DIS3L2: variants seen among roughly 807,000 people sequenced by gnomAD.
The protein encoded by DIS3L2 is DIS3 like 3'-5' exoribonuclease 2, also known as DIS3-like exonuclease 2.
DIS3L2 carries 34 observed loss-of-function variants against 97.5 expected under a neutral mutation model. The ratio of observed to expected loss-of-function variants is 0.35; its 90% CI spans 0.27 to 0.46. The LOEUF (loss-of-function observed/expected upper bound fraction) is 0.46. DIS3L2 is among the 20% of genes least tolerant of loss of function. DIS3L2 has a pLI of 1.00. For synonymous variants in DIS3L2, 435 were observed against 445.2 expected (o/e 0.98, Z 0.29); for missense variants, 1,038 against 1,146.0 (o/e 0.91, Z 1.36).
At chr2:232,186,959 T>C (rs1691455841) in intron 9 of DIS3L2, among the ~76,000 whole-genome samples, 1 of 152,138 alleles carries the variant, frequency 6.6e-6, no homozygotes, top group Non-Finnish European at 1.5e-5. Flanking sequence ...TCATCAAAAT[T>C]AAAAATTTTG....
chr2:232,147,960 T>TCC (rs1690265393), intron 8 of DIS3L2, among the ~76,000 whole-genome samples: 1 of 68,074 alleles, frequency 1.5e-5, no homozygotes, highest in African/African-American at 5.9e-5. Flanking sequence ...CCCCTCCCTT[T>TCC]CCTCCCCTCC....
chr2:232,134,194 G>T (rs930810765), intron 7 of DIS3L2, among the ~76,000 whole-genome samples: 1 of 152,074 alleles, frequency 6.6e-6, no homozygotes, highest in Non-Finnish European at 1.5e-5. Flanking sequence ...TCAGGGAGTT[G>T]TGGGACAAGA....
At chr2:232,049,608 G>A (rs1232709419) in intron 5 of DIS3L2, among the ~76,000 whole-genome samples, 1 of 152,088 alleles carries the variant, frequency 6.6e-6, no homozygotes, top group Non-Finnish European at 1.5e-5. Flanking sequence ...CCAGAACTGG[G>A]GAGACAGTCT....
At chr2:232,236,262 G>A (rs1272109109) in intron 10 of DIS3L2, among the ~76,000 whole-genome samples, 2 of 152,186 alleles carry the variant, frequency 1.3e-5, no homozygotes, top group Non-Finnish European at 2.9e-5. Flanking sequence ...AGGATAATAA[G>A]TAGCTACACA....
chr2:232,224,855 GA>G (rs1408212388), intron 10 of DIS3L2, among the ~76,000 whole-genome samples: 48 of 144,614 alleles, frequency 3.3e-4, no homozygotes, highest in Non-Finnish European at 6.6e-4. Flanking sequence ...AAAAAAAAAA[GA>G]AAAAAAATTG....
chr2:232,241,141 G>C (rs529938280), intron 11 of DIS3L2, among the ~76,000 whole-genome samples: 1 of 152,186 alleles, frequency 6.6e-6, no homozygotes, highest in Non-Finnish European at 1.5e-5. Flanking sequence ...CCTTTGAACC[G>C]CTGCTCTGAC....
chr2:232,203,237 A>C lies in DIS3L2; in HGVS notation c.1125-7089A>C, dbSNP rs564755495. 5.3e-5 allele frequency among the ~76,000 whole-genome samples: 8 copies of C among 152,242 alleles called. 1 individual carries two copies. The East Asian group carries it at 1.5e-3, about 29-fold the overall frequency. ...CATTCCTTTTCACCCATTCTTCATC[A>C]TTGACCCAGATCCTCCTCCCCAGAA... On this transcript the variant is annotated intron_variant, in intron 9 of 20. Coordinates refer to ENST00000325385, the MANE Select transcript of DIS3L2 (RefSeq NM_152383.5).
chr2:232,194,895 C>T (rs961525046), intron 9 of DIS3L2, among the ~76,000 whole-genome samples: 6 of 152,110 alleles, frequency 3.9e-5, no homozygotes, highest in Non-Finnish European at 7.4e-5. Flanking sequence ...AAGTAGCACT[C>T]CATTCTTCAC....
intron 1 of DIS3L2, among the ~76,000 whole-genome samples, chr2:232,009,868 T>A (rs1694148480): frequency 6.6e-6 from 1 of 152,198 alleles, no homozygotes; most frequent in African/African-American, 2.4e-5. Context: ...CATTGCAAAC[T>A]CAAGTTAGCT....
intron 9 of DIS3L2, among the ~76,000 whole-genome samples, chr2:232,210,015 C>T (rs867516438): frequency 6.6e-6 from 1 of 152,180 alleles, no homozygotes; most frequent in Non-Finnish European, 1.5e-5. Flanking sequence ...TAACTTGCCC[C>T]TCTTGTTGGC....
At chr2:232,168,704 A>G (rs930086729) in intron 9 of DIS3L2, among the ~76,000 whole-genome samples, 1 of 152,162 alleles carries the variant, frequency 6.6e-6, no homozygotes, top group Admixed American at 6.5e-5. Flanking sequence ...ACACATAGTG[A>G]GGGTGCCAGG....
intron 6 of DIS3L2, among the ~76,000 whole-genome samples, chr2:232,099,781 T>C (rs1006849637): frequency 1.3e-5 from 2 of 152,194 alleles, no homozygotes; most frequent in African/African-American, 4.8e-5. Context: ...AGATTCTCTA[T>C]CAGTTCTTGT....
intron 10 of DIS3L2, among the ~76,000 whole-genome samples, chr2:232,216,882 GC>G (rs1692354827): frequency 7.4e-6 from 1 of 135,634 alleles, no homozygotes; most frequent in African/African-American, 2.8e-5. Flanking sequence ...TTGCTCTGTC[GC>G]CCAGGCTGGA....
At chr2:231,989,843 A>AAAC (rs930406877) in intron 1 of DIS3L2, among the ~76,000 whole-genome samples, 3 of 152,250 alleles carry the variant, frequency 2.0e-5, no homozygotes, top group South Asian at 4.1e-4. Context: ...ATCTTGTCTC[A>AAAC]AACAACAACA....
chr2:232,219,310 T>A (rs908991507), intron 10 of DIS3L2, among the ~76,000 whole-genome samples: 2 of 152,228 alleles, frequency 1.3e-5, no homozygotes, highest in Admixed American at 6.5e-5. Flanking sequence ...ACCTTGGATA[T>A]CTCTACTTCC....
chr2:232,312,115 C>A (rs1355531521), intron 14 of DIS3L2, among the ~76,000 whole-genome samples: 1 of 152,146 alleles, frequency 6.6e-6, no homozygotes, highest in East Asian at 1.9e-4. Flanking sequence ...ATACATGTTG[C>A]AAATATCTTC....
At chr2:232,332,807 C>G (rs534134842) in intron 16 of DIS3L2, among the ~76,000 whole-genome samples, 1 of 152,170 alleles carries the variant, frequency 6.6e-6, no homozygotes, top group Non-Finnish European at 1.5e-5. Flanking sequence ...CAGAGGTGCC[C>G]GGGTGAAGCG....
intron 13 of DIS3L2, among the ~76,000 whole-genome samples, chr2:232,342,270 TACATATATACACATATATGCATATATAC>T (rs1442292066): frequency 6.6e-6 from 1 of 151,444 alleles, no homozygotes; most frequent in Non-Finnish European, 1.5e-5. Context: ...CATACACATA[TACATATATACACATATATGCATATATAC>T]ACATATATAC....
At chr2:232,144,650 C>T (rs1690165612) in intron 8 of DIS3L2, among the ~76,000 whole-genome samples, 1 of 152,056 alleles carries the variant, frequency 6.6e-6, no homozygotes, top group Admixed American at 6.6e-5. Flanking sequence ...AAGTATAGGT[C>T]TTACTCAGAT....
Sources: gnomAD v4.1 joint callset for allele counts (sites outside exome capture counted in the v4.1 genomes callset) on GRCh38, gnomAD v4.1.1 for gene constraint, MANE v1.5 for transcripts, NCBI Gene and HGNC (gene_info 2026-07-23, HGNC 2026-07-21) for gene names.